The following TRIM55 variants were observed in gnomAD, a reference collection of about 807,000 sequenced individuals.
TRIM55 encodes the protein tripartite motif containing 55.
TRIM55 carries 50 observed loss-of-function variants against 60.9 expected under a neutral mutation model. That is an observed-to-expected ratio of 0.82 (90% CI 0.65 to 1.04). The LOEUF is 1.04. TRIM55 is among the 50% of genes least tolerant of loss of function. TRIM55 has a pLI of 0.00. For missense variants in TRIM55, 681 were observed against 666.9 expected, an observed-to-expected ratio of 1.02 and a Z score of -0.23; for synonymous variants, 237 against 238.1, an observed-to-expected ratio of 1.00 and a Z score of 0.04.
chr8:66,119,221 G>A, the TRIM55 span, among the ~76,000 whole-genome samples: 3 of 152,176 alleles, frequency 2.0e-5, no homozygotes, highest in South Asian at 4.2e-4. Flanking sequence ...CTTCCAGTGG[G>A]CACAAGAAAG....
chr8:66,149,224 G>A (rs1810267341), intron 4 of TRIM55, among the ~76,000 whole-genome samples: 1 of 152,128 alleles, frequency 6.6e-6, no homozygotes, highest in Non-Finnish European at 1.5e-5. Flanking sequence ...GGTATAGGTG[G>A]AGCAGAGACT....
chr8:66,174,398 T>C, intron 9 of TRIM55, 73 bp from the exon 10 acceptor site: 1 of 1,417,512 alleles, frequency 7.1e-7, no homozygotes, highest in Non-Finnish European at 9.6e-7. Context: ...TTCTCCTCAA[T>C]AGAAAAGTGA....
intron 4 of TRIM55, among the ~76,000 whole-genome samples, chr8:66,140,579 G>A (rs2128976574): frequency 6.6e-6 from 1 of 152,352 alleles, no homozygotes; most frequent in South Asian, 2.1e-4. Context: ...GCCACCCTGT[G>A]CATCTGTCAT....
upstream of TRIM55, among the ~76,000 whole-genome samples, chr8:66,124,271 A>G (rs900698255): frequency 6.6e-6 from 1 of 152,182 alleles, no homozygotes; most frequent in South Asian, 2.1e-4. Context: ...TGAAAGATCA[A>G]TCTAACCAAC....
chr8:66,147,813 A>AAAAAAC (rs1554528462), intron 4 of TRIM55, among the ~76,000 whole-genome samples: 13 of 144,534 alleles, frequency 9.0e-5, no homozygotes, highest in African/African-American at 2.2e-4. Flanking sequence ...AAAAAAAAAA[A>AAAAAAC]AAAACCACAA....
intron 7 of TRIM55, 143 bp downstream of exon 7, chr8:66,150,609 T>C: frequency 1.1e-6 from 1 of 939,028 alleles, no homozygotes; most frequent in Non-Finnish European, 1.6e-6. Flanking sequence ...AATGTGAAGC[T>C]CTATTTCATT....
chr8:66,172,728 C>T (rs1438945309), intron 9 of TRIM55, among the ~76,000 whole-genome samples: 2 of 152,226 alleles, frequency 1.3e-5, no homozygotes, highest in Non-Finnish European at 2.9e-5. Flanking sequence ...CAACTTGTGT[C>T]ACCCTTCAAC....
At chr8:66,152,068 G>A (rs973763650) in intron 7 of TRIM55, among the ~76,000 whole-genome samples, 1 of 152,160 alleles carries the variant, frequency 6.6e-6, no homozygotes, top group African/African-American at 2.4e-5. Context: ...GGAGCTTGCA[G>A]ATGTGGCAGA....
At chr8:66,134,196 G>A (rs972564268) in intron 2 of TRIM55, among the ~76,000 whole-genome samples, 1 of 152,192 alleles carries the variant, frequency 6.6e-6, no homozygotes, top group African/African-American at 2.4e-5. Context: ...CTAAGATGTT[G>A]CTAAATAACT....
chr8:66,113,450 G>T, the TRIM55 span: 1 of 453,220 alleles, frequency 2.2e-6, no homozygotes, highest in Non-Finnish European at 4.4e-6. Flanking sequence ...TTCGATTCCG[G>T]CTCGAAGGAG....
At chr8:66,157,796 T>C (rs1403060550) in intron 9 of TRIM55, among the ~76,000 whole-genome samples, 1 of 152,184 alleles carries the variant, frequency 6.6e-6, no homozygotes, top group African/African-American at 2.4e-5. Flanking sequence ...TGGTTTCTGG[T>C]GCTGAACAAT....
chr8:66,126,711 T>C (rs1268915309), upstream of TRIM55, among the ~76,000 whole-genome samples: 1 of 152,186 alleles, frequency 6.6e-6, no homozygotes, highest in Non-Finnish European at 1.5e-5. Flanking sequence ...GTTTTGTTCA[T>C]TTTCACCTAA....
chr8:66,167,133 C>A (rs1428907060), intron 9 of TRIM55, among the ~76,000 whole-genome samples: 1 of 152,202 alleles, frequency 6.6e-6, no homozygotes, highest in Non-Finnish European at 1.5e-5. Context: ...CAGCTGCCCT[C>A]TTTCCCTTTG....
At chr8:66,161,114 G>GT (rs1281803742) in intron 9 of TRIM55, among the ~76,000 whole-genome samples, 4 of 151,980 alleles carry the variant, frequency 2.6e-5, no homozygotes, top group Non-Finnish European at 5.9e-5. Context: ...GTCTAGAAGG[G>GT]TTTTTCTGAT....
intron 2 of TRIM55, among the ~76,000 whole-genome samples, chr8:66,129,649 G>A (rs1400263735): frequency 6.6e-6 from 1 of 152,118 alleles, no homozygotes; most frequent in Non-Finnish European, 1.5e-5. Flanking sequence ...TATTGCTGTT[G>A]CTGTTACTTT....
Position 66,151,506 on chromosome 8 carries a change from A to T in TRIM55, c.986-871A>T, listed in dbSNP as rs547491603. Among the ~76,000 whole-genome samples, 214 of 152,230 alleles carry T rather than the reference A, an allele frequency of 1.4e-3. 4 individuals are homozygous for T. The highest frequency in any genetic ancestry group is 6.2e-4 in the South Asian group (3 of 4,824). ...GCAAATCTTTAGGATGTATCTTTTT[A>T]AAAAAATCGCTTAATATTGCCTGTC... is the stretch of plus-strand genomic sequence containing the variant. On this transcript the variant is annotated intron_variant, in intron 7 of 9. Transcript: ENST00000315962.
chr8:66,157,497 G>A (rs1240415345), intron 9 of TRIM55, among the ~76,000 whole-genome samples: 1 of 152,178 alleles, frequency 6.6e-6, no homozygotes, highest in Non-Finnish European at 1.5e-5. Flanking sequence ...TTCAAGGTTA[G>A]AGTGCTAGAA....
chr8:66,148,118 A>G (rs192911245), intron 4 of TRIM55, among the ~76,000 whole-genome samples: 25 of 152,302 alleles, frequency 1.6e-4, no homozygotes, highest in East Asian at 7.7e-4. Context: ...GCTCTCAGCT[A>G]TAAAGGTCCT....
chr8:66,123,828 A>T (rs914311265), upstream of TRIM55, among the ~76,000 whole-genome samples: 3 of 152,236 alleles, frequency 2.0e-5, no homozygotes, highest in African/African-American at 7.2e-5. Context: ...ACTGCACTCC[A>T]GTTTGGGCAA....
Sources: gnomAD v4.1 joint callset for allele counts (sites outside exome capture counted in the v4.1 genomes callset) on GRCh38, gnomAD v4.1.1 for gene constraint, MANE v1.5 for transcripts, NCBI Gene and HGNC (gene_info 2026-07-23, HGNC 2026-07-21) for gene names.